RBFOX1: variants seen among roughly 807,000 people sequenced by gnomAD.
The protein encoded by RBFOX1 is RNA binding protein fox-1 homolog 1.
A neutral mutation model predicts 57.7 loss-of-function variants in RBFOX1; 8 were observed. The observed-to-expected ratio is 0.14, with a 90% CI of 0.08 to 0.25. RBFOX1 has a LOEUF of 0.25. RBFOX1 is among the 10% of genes least tolerant of loss of function. The pLI, the probability that RBFOX1 is intolerant of heterozygous loss-of-function variation, is 1.00. For synonymous variants in RBFOX1, 326 were observed against 222.4 expected (o/e 1.47, Z -4.15); for missense variants, 611 against 548.5 (o/e 1.11, Z -1.14).
chr16:6,497,146 A>T (rs1452022025), intron 2 of RBFOX1, among the ~76,000 whole-genome samples: 1 of 152,186 alleles, frequency 6.6e-6, no homozygotes, highest in African/African-American at 2.4e-5. Context: ...TTACATTGCT[A>T]ACATGGAGTG....
At chr16:6,140,873 C>A (rs1035950711) in intron 1 of RBFOX1, among the ~76,000 whole-genome samples, 2 of 152,198 alleles carry the variant, frequency 1.3e-5, no homozygotes, top group Non-Finnish European at 2.9e-5. Flanking sequence ...ATTTACTACC[C>A]TTTTAATCTG....
chr16:5,690,214 A>G (rs980489485), intron 3 of RBFOX1, among the ~76,000 whole-genome samples: 2 of 152,234 alleles, frequency 1.3e-5, no homozygotes, highest in East Asian at 3.8e-4. Flanking sequence ...TACATTGAAG[A>G]CAGTCATCCA....
chr16:6,830,775 C>G (rs1362067789), intron 3 of RBFOX1, among the ~76,000 whole-genome samples: 1 of 152,164 alleles, frequency 6.6e-6, no homozygotes, highest in African/African-American at 2.4e-5. Context: ...ATGACGTCCT[C>G]TGTTGAGATG....
chr16:5,956,962 G>A (rs1212168358), intron 4 of RBFOX1, among the ~76,000 whole-genome samples: 2 of 151,700 alleles, frequency 1.3e-5, no homozygotes, highest in Admixed American at 6.6e-5. Flanking sequence ...GAGCCACTGC[G>A]CCCAGCCTGC....
At chr16:6,404,867 C>G (rs530165386) in intron 2 of RBFOX1, among the ~76,000 whole-genome samples, 2 of 152,194 alleles carry the variant, frequency 1.3e-5, no homozygotes, top group African/African-American at 2.4e-5. Context: ...ATACTTAAAC[C>G]TTCGTGGATC....
rs573683816 is a variant in RBFOX1 at position 6,109,912 on chromosome 16, C to A, written c.-127+89920C>A. 3.3e-5 allele frequency among the ~76,000 whole-genome samples: 5 copies of A among 152,188 alleles called. No homozygotes were observed. The East Asian group carries it at 7.7e-4, about 24-fold the overall frequency. On this transcript the variant is annotated intron_variant, in intron 1 of 15. Coordinates refer to ENST00000550418, the MANE Select transcript of RBFOX1 (RefSeq NM_018723.4). ...TTGTTGAACTGAATCAAATGCAGAGCTTTTCTCCAGTTGTAGCCCTGTGGT... is the reference window on the plus strand; with the variant it reads ...TTGTTGAACTGAATCAAATGCAGAGATTTTCTCCAGTTGTAGCCCTGTGGT...
chr16:5,679,538 G>T (rs112819162), intron 3 of RBFOX1, among the ~76,000 whole-genome samples: 12 of 152,010 alleles, frequency 7.9e-5, no homozygotes, highest in African/African-American at 2.9e-4. Flanking sequence ...GGTGTGTGGC[G>T]TTCCCCTCCC....
intron 3 of RBFOX1, among the ~76,000 whole-genome samples, chr16:6,805,821 T>C (rs1275639552): frequency 2.6e-5 from 4 of 152,138 alleles, no homozygotes; most frequent in Non-Finnish European, 5.9e-5. Flanking sequence ...TGCCCTGTTG[T>C]CCTCAGCATC....
intron 3 of RBFOX1, among the ~76,000 whole-genome samples, chr16:6,808,736 C>G (rs746304218): frequency 6.6e-6 from 1 of 152,128 alleles, no homozygotes; most frequent in Non-Finnish European, 1.5e-5. Context: ...GTTCTTTTCT[C>G]CACAGACAAA....
chr16:7,600,844 A>C (rs994192362), intron 9 of RBFOX1, among the ~76,000 whole-genome samples: 1 of 152,090 alleles, frequency 6.6e-6, no homozygotes, highest in Non-Finnish European at 1.5e-5. Flanking sequence ...TGTAGATACT[A>C]TTCTCAGGAT....
chr16:7,153,603 G>T (rs954306611), intron 4 of RBFOX1, among the ~76,000 whole-genome samples: 1 of 151,764 alleles, frequency 6.6e-6, no homozygotes, highest in Non-Finnish European at 1.5e-5. Context: ...GCATGGTGAT[G>T]GTGGTGGGGG....
At position 7,423,093 on chromosome 16, in the gene RBFOX1, A is replaced by AAGAGAGAGAG. The variant is rs56239071; in HGVS notation, c.28-95026_28-95017dup. Reference sequence around the variant, plus strand: ...ACTAGGAGAGAGAGAATGAGGGAGAAAGAGAGAGAGAGAGAGAGAGAGAGA... The same window carrying AAGAGAGAGAG: ...ACTAGGAGAGAGAGAATGAGGGAGAAAGAGAGAGAGAGAGAGAGAGAGAGAGAGAGAGAGA... On this transcript the variant is annotated intron_variant, in intron 4 of 15. Transcript: ENST00000550418. The AAGAGAGAGAG allele has an allele frequency of 2.1e-5, 3 of 144,886 alleles. No individual in the cohort carries two copies. In the East Asian group the frequency reaches 6.2e-4, roughly 30 times the overall value. 9.0% of individuals were successfully genotyped at this position (144,886 alleles called of 1,614,324 possible). A position where few individuals can be genotyped will look rare whatever the true frequency, so the allele number is the denominator to read the frequency against.
intron 2 of RBFOX1, among the ~76,000 whole-genome samples, chr16:6,570,488 ACTCT>A (rs199662607): frequency 1.3e-5 from 2 of 151,946 alleles, no homozygotes; most frequent in East Asian, 1.9e-4. Flanking sequence ...GATCCACTGT[ACTCT>A]CTCTATATAT....
At chr16:6,147,938 A>T (rs966269222) in intron 1 of RBFOX1, among the ~76,000 whole-genome samples, 1 of 152,146 alleles carries the variant, frequency 6.6e-6, no homozygotes, top group African/African-American at 2.4e-5. Context: ...CCCAGCTCTC[A>T]AGGGTCTCCT....
intron 1 of RBFOX1, among the ~76,000 whole-genome samples, chr16:6,188,273 G>C (rs1434955936): frequency 3.9e-5 from 6 of 152,020 alleles, no homozygotes; most frequent in Non-Finnish European, 4.4e-5. Context: ...GTTTCAAGGA[G>C]GCAGACTGAG....
At chr16:6,204,692 T>G (rs2097241725) in intron 1 of RBFOX1, among the ~76,000 whole-genome samples, 1 of 152,100 alleles carries the variant, frequency 6.6e-6, no homozygotes, top group South Asian at 2.1e-4. Flanking sequence ...GCTGATCAAA[T>G]TGAGATATTT....
chr16:6,523,535 G>A (rs1167795748), intron 2 of RBFOX1, among the ~76,000 whole-genome samples: 1 of 152,162 alleles, frequency 6.6e-6, no homozygotes, highest in African/African-American at 2.4e-5. Context: ...CTAACTGGAT[G>A]ACTTTGGTAC....
intron 3 of RBFOX1, among the ~76,000 whole-genome samples, chr16:5,814,004 A>G (rs769519111): frequency 7.9e-5 from 12 of 152,256 alleles, no homozygotes; most frequent in Non-Finnish European, 1.8e-4. Context: ...ACAAGAAGTA[A>G]CTTATTTTAA....
intron 1 of RBFOX1, among the ~76,000 whole-genome samples, chr16:6,188,729 G>C (rs1457375057): frequency 6.6e-6 from 1 of 152,164 alleles, no homozygotes; most frequent in African/African-American, 2.4e-5. Context: ...CGAAAAAATG[G>C]AACACAGTAA....
Sources: allele counts gnomAD v4.1 joint callset (sites outside exome capture counted in the v4.1 genomes callset), GRCh38; gene constraint gnomAD v4.1.1; transcripts MANE v1.5; gene names NCBI Gene and HGNC (gene_info 2026-07-23, HGNC 2026-07-21).